Variants in CPE observed in about 807,000 individuals in gnomAD.
The protein encoded by CPE is carbocypeptidase E.
Under a neutral mutation model 53.5 loss-of-function variants are expected in CPE, and 17 were observed. The ratio of observed to expected loss-of-function variants is 0.32; its 90% CI spans 0.22 to 0.48. The LOEUF (loss-of-function observed/expected upper bound fraction) is 0.48. CPE is among the 20% of genes least tolerant of loss of function. The pLI, the probability that CPE is intolerant of heterozygous loss-of-function variation, is 0.99. For synonymous variants in CPE, 226 were observed against 228.8 expected, an observed-to-expected ratio of 0.99 and a Z score of 0.11; for missense variants, 524 against 614.7, an observed-to-expected ratio of 0.85 and a Z score of 1.56.
intron 1 of CPE, among the ~76,000 whole-genome samples, chr4:165,441,671 T>C (rs1382485890): frequency 6.6e-6 from 1 of 152,184 alleles, no homozygotes; most frequent in African/African-American, 2.4e-5. Flanking sequence ...TGGCTCTGAG[T>C]TGAGTCAAAA....
At chr4:165,485,076 A>G (rs1732484159) in intron 5 of CPE, among the ~76,000 whole-genome samples, 1 of 152,142 alleles carries the variant, frequency 6.6e-6, no homozygotes, top group Non-Finnish European at 1.5e-5. Flanking sequence ...TATTTAGTTT[A>G]TGTTCACTAT....
chr4:165,487,589 C>T lies in CPE; in HGVS notation c.1113+12C>T. ...GCTACCTTGAGCAGGTAAACACAGTCCCCAGCATAAAAATGCAAGGTTTAC... is the reference window on the plus strand; with the variant it reads ...GCTACCTTGAGCAGGTAAACACAGTTCCCAGCATAAAAATGCAAGGTTTAC... On this transcript the variant is annotated intron_variant, in intron 6 of 8. Coordinates refer to ENST00000402744, the MANE Select transcript of CPE (RefSeq NM_001873.4). 1.2e-6 allele frequency: 2 copies of T among 1,613,528 alleles called. No homozygotes were observed. Among genetic ancestry groups the T allele is most frequent in the South Asian group, 1.1e-5 (1 of 90,998 alleles).
At chr4:165,380,730 G>A (rs963105266) in intron 1 of CPE, among the ~76,000 whole-genome samples, 3 of 151,990 alleles carry the variant, frequency 2.0e-5, no homozygotes, top group African/African-American at 2.4e-5. Flanking sequence ...ATAGTAGGTG[G>A]GTTGATCAAG....
At chr4:165,435,264 C>T (rs1371946332) in intron 1 of CPE, among the ~76,000 whole-genome samples, 1 of 152,120 alleles carries the variant, frequency 6.6e-6, no homozygotes, top group Non-Finnish European at 1.5e-5. Flanking sequence ...AGTTATACAG[C>T]CTCAATGAAA....
At chr4:165,401,480 T>C (rs544240892) in intron 1 of CPE, among the ~76,000 whole-genome samples, 7 of 152,308 alleles carry the variant, frequency 4.6e-5, no homozygotes, top group African/African-American at 1.4e-4. Flanking sequence ...AAGAAGAAAG[T>C]CTTTATGTGG....
At chr4:165,443,277 C>T (rs1731645942) in intron 1 of CPE, among the ~76,000 whole-genome samples, 1 of 152,176 alleles carries the variant, frequency 6.6e-6, no homozygotes, top group Non-Finnish European at 1.5e-5. Context: ...CTCTCCTTCT[C>T]ATCTCCCTAT....
intron 1 of CPE, chr4:165,404,653 T>A: frequency 9.3e-7 from 1 of 1,073,862 alleles, no homozygotes; most frequent in Non-Finnish European, 1.5e-6. Flanking sequence ...CCAGCTTCTT[T>A]GGGTCAACTC....
intron 1 of CPE, chr4:165,405,934 A>G (rs1276627178): frequency 1.4e-6 from 1 of 731,042 alleles, no homozygotes; most frequent in African/African-American, 1.7e-5. Flanking sequence ...TGGCAGTCAC[A>G]ACAGGCTTTA....
chr4:165,426,772 C>A (rs1281651051), intron 1 of CPE, among the ~76,000 whole-genome samples: 1 of 152,186 alleles, frequency 6.6e-6, no homozygotes, highest in Non-Finnish European at 1.5e-5. Flanking sequence ...CAATACACTA[C>A]AATGTAGCAG....
intron 1 of CPE, among the ~76,000 whole-genome samples, chr4:165,385,960 G>T (rs1403932061): frequency 6.6e-6 from 1 of 152,128 alleles, no homozygotes; most frequent in African/African-American, 2.4e-5. Flanking sequence ...TCTTACCCCT[G>T]CTGGGGCTCT....
At chr4:165,404,834 A>G in intron 1 of CPE, 1 of 766,936 alleles carries the variant, frequency 1.3e-6, no homozygotes, top group Non-Finnish European at 2.4e-6. Context: ...CATCTCCAGC[A>G]GCTGCATCTT....
intron 1 of CPE, chr4:165,405,713 C>A: frequency 2.4e-6 from 2 of 843,140 alleles, no homozygotes; most frequent in South Asian, 2.6e-5. Flanking sequence ...ACCAATTGGT[C>A]AACCAGTCCC....
chr4:165,446,235 A>T (rs1232902392), intron 1 of CPE, among the ~76,000 whole-genome samples: 1 of 152,202 alleles, frequency 6.6e-6, no homozygotes, highest in Non-Finnish European at 1.5e-5. Flanking sequence ...CACTAACAAA[A>T]TTATAAATTT....
chr4:165,394,403 C>T (rs1730731552), intron 1 of CPE, among the ~76,000 whole-genome samples: 1 of 152,172 alleles, frequency 6.6e-6, no homozygotes, highest in African/African-American at 2.4e-5. Flanking sequence ...ACATGACTGA[C>T]CATTTAGGAA....
intron 1 of CPE, among the ~76,000 whole-genome samples, chr4:165,429,700 T>TAAA (rs35818467): frequency 0.03 from 4,330 of 146,636 alleles, 205 homozygotes; most frequent in African/African-American, 0.094. Flanking sequence ...AGACCCTGTT[T>TAAA]AAAAAAAAAA....
chr4:165,424,949 A>C, intron 1 of CPE, among the ~76,000 whole-genome samples: 1 of 147,016 alleles, frequency 6.8e-6, no homozygotes, highest in South Asian at 2.1e-4. Flanking sequence ...ATCTTGGCTC[A>C]CTGCAACCTA....
At chr4:165,420,460 T>G (rs1289662448) in intron 1 of CPE, among the ~76,000 whole-genome samples, 1 of 152,124 alleles carries the variant, frequency 6.6e-6, no homozygotes, top group African/African-American at 2.4e-5. Context: ...AAATATTTTG[T>G]TTTTGGCCTT....
chr4:165,405,650 G>T, intron 1 of CPE: 2 of 777,260 alleles, frequency 2.6e-6, no homozygotes, highest in Non-Finnish European at 4.7e-6. Context: ...ACTTCTTCTA[G>T]GTATTTGATT....
intron 1 of CPE, among the ~76,000 whole-genome samples, chr4:165,446,702 G>A (rs1489907337): frequency 6.6e-6 from 1 of 152,182 alleles, no homozygotes; most frequent in East Asian, 1.9e-4. Context: ...GCTGGCCTTA[G>A]AATGAGTAAA....
Sources: gnomAD v4.1 joint callset for allele counts (sites outside exome capture counted in the v4.1 genomes callset) on GRCh38, gnomAD v4.1.1 for gene constraint, MANE v1.5 for transcripts, NCBI Gene and HGNC (gene_info 2026-07-23, HGNC 2026-07-21) for gene names.